Variants in DPP10 observed in about 807,000 individuals in gnomAD.
DPP10 encodes inactive dipeptidyl peptidase 10.
DPP10 carries 33 observed loss-of-function variants against 120.9 expected under a neutral mutation model. The observed-to-expected ratio is 0.27, with a 90% CI of 0.21 to 0.37. The LOEUF (loss-of-function observed/expected upper bound fraction) is 0.37. DPP10 is among the 10% of genes least tolerant of loss of function. The probability of loss-of-function intolerance (pLI) is 1.00; values close to 1 mark genes in which losing one functional copy is unlikely to be tolerated. For missense variants in DPP10, 816 were observed against 942.8 expected, an observed-to-expected ratio of 0.87 and a Z score of 1.76; for synonymous variants, 337 against 326.1, an observed-to-expected ratio of 1.03 and a Z score of -0.36.
At chr2:115,766,620 G>T (rs544025487) in intron 12 of DPP10, among the ~76,000 whole-genome samples, 6 of 151,930 alleles carry the variant, frequency 3.9e-5, no homozygotes, top group African/African-American at 1.4e-4. Flanking sequence ...GTCCATTCTT[G>T]TACTGCTATA....
At chr2:115,794,899 A>G (rs992379127) in intron 19 of DPP10, among the ~76,000 whole-genome samples, 2 of 152,212 alleles carry the variant, frequency 1.3e-5, no homozygotes, top group South Asian at 2.1e-4. Flanking sequence ...CACGTCTACC[A>G]CATTGCTTTT....
chr2:114,791,722 C>T (rs1683257198), intron 1 of DPP10, among the ~76,000 whole-genome samples: 1 of 151,992 alleles, frequency 6.6e-6, no homozygotes, highest in African/African-American at 2.4e-5. Context: ...ACATAGTTAA[C>T]AGGGAACAAA....
intron 21 of DPP10, among the ~76,000 whole-genome samples, chr2:115,818,788 C>G (rs1687519021): frequency 6.6e-6 from 1 of 152,108 alleles, no homozygotes; most frequent in Admixed American, 6.5e-5. Context: ...TTTAGAAGTT[C>G]AAATTCTTTT....
At chr2:115,004,539 G>T (rs1215216743) in intron 1 of DPP10, among the ~76,000 whole-genome samples, 2 of 152,184 alleles carry the variant, frequency 1.3e-5, no homozygotes, top group Non-Finnish European at 2.9e-5. Flanking sequence ...AGCAGGGCGA[G>T]GCATTGCCTC....
chr2:115,352,287 G>C (rs1371397681), intron 3 of DPP10, among the ~76,000 whole-genome samples: 1 of 152,090 alleles, frequency 6.6e-6, no homozygotes, highest in Admixed American at 6.6e-5. Flanking sequence ...GGGGAAATGG[G>C]ATGAAAGTTA....
At chr2:115,605,168 A>G (rs1216476177) in intron 5 of DPP10, among the ~76,000 whole-genome samples, 1 of 152,118 alleles carries the variant, frequency 6.6e-6, no homozygotes, top group African/African-American at 2.4e-5. Flanking sequence ...TTTTTGGCAA[A>G]TAATGATTAA....
chr2:115,006,539 G>C (rs1446336629), intron 1 of DPP10, among the ~76,000 whole-genome samples: 1 of 147,892 alleles, frequency 6.8e-6, no homozygotes, highest in Non-Finnish European at 1.5e-5. Context: ...CAAGCAAATG[G>C]AAAACAAAAA....
chr2:115,730,132 G>C (rs960916059), intron 8 of DPP10, among the ~76,000 whole-genome samples: 10 of 152,184 alleles, frequency 6.6e-5, no homozygotes, highest in Non-Finnish European at 1.0e-4. Context: ...GATTGTTTTT[G>C]TGACAGCAGG....
chr2:114,495,125 A>C (rs1573486562), intron 1 of DPP10, among the ~76,000 whole-genome samples: 3 of 151,112 alleles, frequency 2.0e-5, no homozygotes, highest in Non-Finnish European at 4.4e-5. Flanking sequence ...TAGAAATAGT[A>C]AAAAAAATGT....
intron 8 of DPP10, among the ~76,000 whole-genome samples, chr2:115,729,048 C>T (rs923984649): frequency 2.6e-5 from 4 of 152,132 alleles, no homozygotes; most frequent in African/African-American, 4.8e-5. Flanking sequence ...TTGTGAAGAG[C>T]AGTGAGAGCT....
intron 1 of DPP10, among the ~76,000 whole-genome samples, chr2:115,082,574 G>T (rs1009694781): frequency 1.3e-5 from 2 of 152,178 alleles, no homozygotes; most frequent in South Asian, 4.1e-4. Context: ...GCTACAGAAA[G>T]GATGTTGGAT....
At chr2:114,953,011 T>C (rs1344661548) in intron 1 of DPP10, among the ~76,000 whole-genome samples, 1 of 151,504 alleles carries the variant, frequency 6.6e-6, no homozygotes, top group African/African-American at 2.4e-5. Context: ...TTTTTCTGGA[T>C]GTTGTTAATT....
At chr2:114,823,217 G>T (rs1214430395) in intron 1 of DPP10, among the ~76,000 whole-genome samples, 1 of 152,154 alleles carries the variant, frequency 6.6e-6, no homozygotes, top group Non-Finnish European at 1.5e-5. Flanking sequence ...TTACAATCCT[G>T]GGGGAAGGGA....
intron 7 of DPP10, among the ~76,000 whole-genome samples, chr2:115,711,925 T>G (rs1262671318): frequency 6.7e-6 from 1 of 148,910 alleles, no homozygotes; most frequent in Non-Finnish European, 1.5e-5. Context: ...GGTTTTTTTT[T>G]TTTTTTTTTT....
intron 5 of DPP10, among the ~76,000 whole-genome samples, chr2:115,607,785 T>A (rs997002537): frequency 1.3e-5 from 2 of 151,996 alleles, no homozygotes; most frequent in African/African-American, 4.8e-5. Context: ...TGAGGAAAAT[T>A]TGGTGGGGTA....
At chr2:114,966,766 G>A (rs1300696960) in intron 1 of DPP10, among the ~76,000 whole-genome samples, 1 of 152,218 alleles carries the variant, frequency 6.6e-6, no homozygotes, top group African/African-American at 2.4e-5. Context: ...AGAAGGCTGG[G>A]TGCAGTGGCT....
intron 1 of DPP10, among the ~76,000 whole-genome samples, chr2:114,494,574 A>T (rs940687724): frequency 1.3e-5 from 2 of 152,182 alleles, no homozygotes; most frequent in African/African-American, 4.8e-5. Flanking sequence ...ATTTATTTCT[A>T]GTACAGAGGT....
intron 1 of DPP10, among the ~76,000 whole-genome samples, chr2:114,476,151 T>A (rs769260686): frequency 1.1e-4 from 16 of 152,226 alleles, no homozygotes; most frequent in Non-Finnish European, 2.2e-4. Context: ...AAAGCCAGGA[T>A]AGTATCAAGT....
rs546064678 is a variant in DPP10, at chr2:114,733,598, C to T, written c.60+290760C>T. 7.2e-5 allele frequency among the ~76,000 whole-genome samples: 11 copies of T among 152,232 alleles called. No individual in the cohort carries two copies. The South Asian group carries it at 2.3e-3, about 32-fold the overall frequency. On this transcript the variant is annotated intron_variant, in intron 1 of 25. Coordinates refer to ENST00000410059, the MANE Select transcript of DPP10 (RefSeq NM_020868.6). ...AAAATGCCTGAGCTGATAAGGTTCC[C>T]AGCCTCAGGAGGGACAGATAGAGAG... is the stretch of plus-strand genomic sequence containing the variant.
Sources: allele counts gnomAD v4.1 joint callset (sites outside exome capture counted in the v4.1 genomes callset), GRCh38; gene constraint gnomAD v4.1.1; transcripts MANE v1.5; gene names NCBI Gene and HGNC (gene_info 2026-07-23, HGNC 2026-07-21).